ATP6V0A2: variants seen among roughly 807,000 people sequenced by gnomAD.
The protein encoded by ATP6V0A2 is ATPase H+ transporting V0 subunit a2, also known as V-type proton ATPase 116 kDa subunit a 2.
Under a neutral mutation model 104.4 loss-of-function variants are expected in ATP6V0A2, and 58 were observed. The observed-to-expected ratio is 0.56, with a 90% CI of 0.45 to 0.69. The LOEUF (loss-of-function observed/expected upper bound fraction) is 0.69, where lower values mean the gene tolerates loss of function less well. ATP6V0A2 is among the 30% of genes least tolerant of loss of function. The pLI is 0.00. For missense variants in ATP6V0A2, 938 were observed against 1,062.9 expected, an observed-to-expected ratio of 0.88 and a Z score of 1.63; for synonymous variants, 376 against 397.9, an observed-to-expected ratio of 0.95 and a Z score of 0.65.
At chr12:123,752,855 C>CT (rs536907196) in intron 17 of ATP6V0A2, among the ~76,000 whole-genome samples, 78 of 152,244 alleles carry the variant, frequency 5.1e-4, no homozygotes, top group African/African-American at 1.9e-3. Flanking sequence ...CCTTGGTTGG[C>CT]TTTTTTTCTT....
At chr12:123,718,461 A>G (rs1297664160) in intron 1 of ATP6V0A2, among the ~76,000 whole-genome samples, 162 bp from the exon 2 acceptor site, 4 of 152,130 alleles carry the variant, frequency 2.6e-5, no homozygotes, top group Admixed American at 1.3e-4. Flanking sequence ...TTTTTTGGTA[A>G]CAGTTGACAA....
chr12:123,735,627 G>T lies in ATP6V0A2; in HGVS notation c.825+3G>T. ...CCCGCATCCAGGATCTCTACACTGT[G>T]AGTAAGCTGGAAGTGGATTGCCTCT... On this transcript the variant is annotated splice_donor_region_variant and intron_variant, in intron 8 of 19. Coordinates refer to ENST00000330342, the MANE Select transcript of ATP6V0A2 (RefSeq NM_012463.4). 6.2e-7 allele frequency: 1 copy of T among 1,610,520 alleles called. No homozygotes were observed. The highest frequency in any genetic ancestry group is 1.1e-5 in the South Asian group (1 of 90,950).
intron 9 of ATP6V0A2, 66 bp from the exon 10 acceptor site, chr12:123,743,719 G>T (rs564064332): frequency 1.3e-6 from 2 of 1,573,042 alleles, no homozygotes; most frequent in Non-Finnish European, 1.7e-6. Context: ...ACCCAGATTC[G>T]TTGAATATGG....
intron 1 of ATP6V0A2, among the ~76,000 whole-genome samples, 198 bp from the exon 2 acceptor site, chr12:123,718,425 G>C (rs780768205): frequency 6.6e-6 from 1 of 152,014 alleles, no homozygotes; most frequent in Admixed American, 6.6e-5. Context: ...GGGTTTCACC[G>C]TGTTGGCCCG....
chr12:123,752,332 T>C lies in ATP6V0A2; in HGVS notation c.2105T>C (p.Leu702Pro). The stretch of plus-strand genomic sequence containing the variant: ...GATAGTGAGGAAGAAGTTTCATTGC[T>C]GGGAAGCCAAGATATAGAAGAGGGA... The part of the protein sequence containing the change: ...RKDSEEEVSL[L>P]GSQDIEEGNH... The change falls in exon 17 of 20, where the codon CTG (leucine) becomes CCG (proline). Residue 702 changes from leucine to proline, a missense_variant. Transcript: ENST00000330342. 1 of 1,614,196 alleles carries C rather than the reference T, an allele frequency of 6.2e-7. No homozygotes were observed. The highest frequency in any genetic ancestry group is 1.7e-5 in the Admixed American group (1 of 60,026).
intron 16 of ATP6V0A2, 68 bp downstream of exon 16, chr12:123,751,297 G>A: frequency 6.2e-7 from 1 of 1,609,776 alleles, no homozygotes; most frequent in Non-Finnish European, 8.5e-7. Flanking sequence ...AAGGATTGGT[G>A]TAGAAAACAC....
At chr12:123,742,936 G>A (rs1453446300) in intron 9 of ATP6V0A2, among the ~76,000 whole-genome samples, 1 of 152,016 alleles carries the variant, frequency 6.6e-6, no homozygotes, top group African/African-American at 2.4e-5. Flanking sequence ...TCAATATAAT[G>A]CATTTCAGAA....
At chr12:123,715,423 C>CT (rs1247125344) in intron 1 of ATP6V0A2, among the ~76,000 whole-genome samples, 6 of 152,024 alleles carry the variant, frequency 3.9e-5, no homozygotes, top group Admixed American at 2.0e-4. Flanking sequence ...GAATTTTTAC[C>CT]TTTTTTCTGG....
intron 1 of ATP6V0A2, among the ~76,000 whole-genome samples, chr12:123,717,741 G>T (rs1180451935): frequency 1.3e-5 from 2 of 151,998 alleles, no homozygotes; most frequent in African/African-American, 4.8e-5. Flanking sequence ...GCTGTGCCTG[G>T]CTATAATTTC....
chr12:123,733,844 C>T (rs553316221), intron 6 of ATP6V0A2, 82 bp from the exon 7 acceptor site: 10 of 948,214 alleles, frequency 1.1e-5, no homozygotes, highest in African/African-American at 8.0e-5. Context: ...AATGAATGAA[C>T]GCTTTGACAG....
intron 16 of ATP6V0A2, among the ~76,000 whole-genome samples, 195 bp downstream of exon 16, chr12:123,751,424 G>A (rs1956713037): frequency 6.6e-6 from 1 of 152,162 alleles, no homozygotes; most frequent in Non-Finnish European, 1.5e-5. Context: ...GGAGGCCAAA[G>A]CGGGCAGATC....
At chr12:123,747,138 T>A (rs961115873) in intron 13 of ATP6V0A2, among the ~76,000 whole-genome samples, 4 of 152,140 alleles carry the variant, frequency 2.6e-5, no homozygotes, top group Non-Finnish European at 5.9e-5. Flanking sequence ...CTTGCACCAT[T>A]TCTGATTTCA....
intron 13 of ATP6V0A2, among the ~76,000 whole-genome samples, chr12:123,745,925 CA>C (rs1314242989): frequency 6.6e-6 from 1 of 151,898 alleles, no homozygotes; most frequent in Non-Finnish European, 1.5e-5. Flanking sequence ...TTAAACTGAG[CA>C]AAAAAAGTCT....
At chr12:123,737,398 GT>G (rs1244320284) in intron 9 of ATP6V0A2, 127 bp downstream of exon 9, 5 of 945,252 alleles carry the variant, frequency 5.3e-6, no homozygotes, top group Non-Finnish European at 1.6e-6. Flanking sequence ...CTCTTCTTTT[GT>G]TTTTTTAAAA....
At chr12:123,734,126 CT>C in intron 7 of ATP6V0A2, 118 bp downstream of exon 7, 1 of 725,474 alleles carries the variant, frequency 1.4e-6, no homozygotes. Context: ...TTATATGATT[CT>C]TTGCTGCACT....
At chr12:123,752,157 G>C in intron 16 of ATP6V0A2, 126 bp from the exon 17 acceptor site, 4 of 1,293,610 alleles carry the variant, frequency 3.1e-6, no homozygotes, top group Non-Finnish European at 4.4e-6. Context: ...ACTGTGCCTA[G>C]CCTAAAGAAC....
rs769650202 is a variant in ATP6V0A2 at position 123,744,563 on chromosome 12, T to C, written c.1327-34T>C. ...CAGCTGTCACATGGACACCCTCCAG[T>C]AACCATATTCTGCCCCCGCCTTGCC... is the stretch of plus-strand genomic sequence containing the variant. On this transcript the variant is annotated intron_variant, in intron 11 of 19. Transcript: ENST00000330342. This position sits in a 1 kb window ranked among gnomAD's most constrained non-coding sequence, Gnocchi z 5.4. The C allele has an allele frequency of 6.2e-7, 1 of 1,611,968 alleles. No homozygotes were observed.
intron 19 of ATP6V0A2, among the ~76,000 whole-genome samples, chr12:123,757,433 CTG>C (rs1956775645): frequency 1.0e-5 from 1 of 97,542 alleles, no homozygotes; most frequent in East Asian, 5.3e-4. Flanking sequence ...GAGCGAAACT[CTG>C]TGTCAAAAAA....
At chr12:123,731,890 C>A in intron 6 of ATP6V0A2, 1 of 152,446 alleles carries the variant, frequency 6.6e-6, no homozygotes. Flanking sequence ...GCTCCTGTTC[C>A]CTGGGCCCAG....
Sources: gnomAD v4.1 joint callset for allele counts (sites outside exome capture counted in the v4.1 genomes callset) on GRCh38, gnomAD v4.1.1 for gene constraint, Gnocchi (gnomAD v3.1) non-coding constraint, MANE v1.5 for transcripts, NCBI Gene and HGNC (gene_info 2026-07-23, HGNC 2026-07-21) for gene names.